PITPNA: variants seen among roughly 807,000 people sequenced by gnomAD.
The protein encoded by PITPNA is phosphatidylinositol transfer protein alpha isoform.
PITPNA carries 13 observed loss-of-function variants against 50.3 expected under a neutral mutation model. The observed-to-expected ratio is 0.26, with a 90% CI of 0.17 to 0.41. The LOEUF is 0.41. Among genes scored for constraint, PITPNA ranks in the 10% least tolerant of loss-of-function variants. PITPNA has a pLI of 1.00. For synonymous variants in PITPNA, 120 were observed against 119.6 expected (o/e 1.00, Z -0.02); for missense variants, 207 against 333.4 (o/e 0.62, Z 2.95).
chr17:1,537,767 A>G (rs933465504), intron 7 of PITPNA, among the ~76,000 whole-genome samples: 7 of 152,212 alleles, frequency 4.6e-5, no homozygotes, highest in African/African-American at 1.4e-4. Context: ...GATGGTTTTT[A>G]TATCTTTTCG....
chr17:1,537,527 T>TA (rs992482013), intron 7 of PITPNA, among the ~76,000 whole-genome samples: 68 of 152,120 alleles, frequency 4.5e-4, no homozygotes, highest in Non-Finnish European at 2.9e-4. Context: ...ATGTGTGCTT[T>TA]AAAAAATAAA....
intron 1 of PITPNA, among the ~76,000 whole-genome samples, chr17:1,560,655 A>G (rs1036769896): frequency 6.6e-6 from 1 of 152,190 alleles, no homozygotes; most frequent in Admixed American, 6.5e-5. Flanking sequence ...TCTAGGGTTC[A>G]TTTGGGAACA....
Position 1,562,422 on chromosome 17 carries a change from C to G in PITPNA, c.20+119G>C, listed in dbSNP as rs1162719252. On this transcript the variant is annotated intron_variant, in intron 1 of 11. Transcript: ENST00000313486. This position sits in a 1 kb window ranked among gnomAD's most constrained non-coding sequence, Gnocchi z 6.4. ...ATCCCCGCTGGGCCCGCCTCAGGCA[C>G]CCTCCGTCCCTGCTGCCCCTCCGTC... The G allele has an allele frequency of 2.4e-6, 2 of 817,102 alleles. No individual in the cohort carries two copies. Among genetic ancestry groups the G allele is most frequent in the East Asian group, 7.3e-5 (2 of 27,342 alleles). 50.6% of individuals were successfully genotyped at this position (817,102 alleles called of 1,614,324 possible).
intron 10 of PITPNA, among the ~76,000 whole-genome samples, chr17:1,525,973 A>C (rs2075545400): frequency 6.6e-6 from 1 of 152,216 alleles, no homozygotes; most frequent in Non-Finnish European, 1.5e-5. Context: ...GCAATACCCT[A>C]GTGGAAATAG....
At chr17:1,535,378 T>C in intron 8 of PITPNA, 63 bp downstream of exon 8, 1 of 1,505,354 alleles carries the variant, frequency 6.6e-7, no homozygotes, top group Non-Finnish European at 9.2e-7. Flanking sequence ...ATGCCCCTCC[T>C]CCACAGGGAG....
rs1598399843 is a variant in PITPNA, at chr17:1,518,241, A to G, written c.*2320T>C. On this transcript the variant is annotated 3_prime_UTR_variant, in exon 12 of 12. Coordinates refer to ENST00000313486, the MANE Select transcript of PITPNA (RefSeq NM_006224.4). ...CCTGTCCCGGACCTCTCTGCATGAG[A>G]AGGCCAGAGCCCAGCACCCCTCCTA... 6.6e-6 allele frequency: 1 copy of G among 152,558 alleles called. No homozygotes were observed. Among genetic ancestry groups the G allele is most frequent in the East Asian group, 1.9e-4 (1 of 5,186 alleles). The allele number at this position is 152,558 out of a possible 1,614,324, so 9.5% of individuals were successfully genotyped here.
At chr17:1,532,236 C>T (rs896416574) in intron 10 of PITPNA, among the ~76,000 whole-genome samples, 4 of 152,144 alleles carry the variant, frequency 2.6e-5, no homozygotes, top group South Asian at 4.2e-4. Flanking sequence ...TACAGGTGTC[C>T]GCCACCACGC....
chr17:1,518,676 G>A lies in PITPNA; in HGVS notation c.*1885C>T, dbSNP rs1019437740. ...GGAGACTAACAGCTGCTGACCCTCA[G>A]ACCACATAGACAACTGTCTGCCTAG... On this transcript the variant is annotated 3_prime_UTR_variant, in exon 12 of 12. Coordinates refer to ENST00000313486, the MANE Select transcript of PITPNA (RefSeq NM_006224.4). The A allele has an allele frequency of 1.3e-5, 2 of 152,258 alleles. No homozygotes were observed. The highest frequency in any genetic ancestry group is 4.8e-5 in the African/African-American group (2 of 41,444). 9.4% of individuals were successfully genotyped at this position (152,258 alleles called of 1,614,324 possible).
chr17:1,521,962 C>G (rs1459223778), intron 10 of PITPNA, among the ~76,000 whole-genome samples: 1 of 150,952 alleles, frequency 6.6e-6, no homozygotes. Context: ...TGGCCTCACA[C>G]GATCCTCTGC....
chr17:1,552,883 C>G, intron 3 of PITPNA, 121 bp downstream of exon 3: 1 of 959,584 alleles, frequency 1.0e-6, no homozygotes, highest in African/African-American at 1.6e-5. Context: ...CAGTATATAA[C>G]TATTAATTGT....
At chr17:1,551,811 C>T (rs954211464) in intron 3 of PITPNA, among the ~76,000 whole-genome samples, 5 of 152,344 alleles carry the variant, frequency 3.3e-5, no homozygotes, top group African/African-American at 1.2e-4. Context: ...GAGGTTCCTC[C>T]CCGCTGGACA....
At chr17:1,552,582 A>G (rs1197657612) in intron 3 of PITPNA, among the ~76,000 whole-genome samples, 1 of 152,216 alleles carries the variant, frequency 6.6e-6, no homozygotes. Context: ...CTAGGAATTC[A>G]ATTTTAGGAA....
chr17:1,548,385 T>C lies in PITPNA; in HGVS notation c.200A>G (p.Lys67Arg). Residue 67 changes from lysine to arginine, a missense_variant and splice_region_variant, in exon 4 of 12, where the codon AAA becomes AGA. By Grantham distance (26) the Lys-to-Arg change is conservative. Coordinates refer to ENST00000313486, the MANE Select transcript of PITPNA (RefSeq NM_006224.4). ...CAGCATTCGAACAAACGTGGGTACT[T>C]TGCTATAGCGGGGAAAAAAAGGGGT... ...YTHKIYHLQS[K>R]VPTFVRMLAP... 1 of 1,598,116 alleles carries C rather than the reference T, an allele frequency of 6.3e-7. No homozygotes were observed. Among genetic ancestry groups the C allele is most frequent in the Non-Finnish European group, 8.5e-7 (1 of 1,173,340 alleles).
intron 10 of PITPNA, among the ~76,000 whole-genome samples, chr17:1,523,455 C>T (rs2075526947): frequency 6.6e-6 from 1 of 151,842 alleles, no homozygotes; most frequent in Non-Finnish European, 1.5e-5. Flanking sequence ...GATCCTCCTG[C>T]CTCAGCATCC....
intron 2 of PITPNA, among the ~76,000 whole-genome samples, chr17:1,554,323 A>C (rs991175857): frequency 2.6e-5 from 4 of 151,812 alleles, no homozygotes; most frequent in Non-Finnish European, 5.9e-5. Flanking sequence ...GGAGGGGGAC[A>C]AAGGGTTTCC....
At chr17:1,545,762 G>A (rs1036473511) in intron 4 of PITPNA, among the ~76,000 whole-genome samples, 11 of 152,178 alleles carry the variant, frequency 7.2e-5, no homozygotes, top group Admixed American at 5.2e-4. Flanking sequence ...GAGAACAGGG[G>A]CATCTCTCAG....
Position 1,552,993 on chromosome 17 carries a change from A to T in PITPNA, c.197+11T>A. The T allele has an allele frequency of 6.2e-7, 1 of 1,613,518 alleles. No individual in the cohort carries two copies. Among genetic ancestry groups the T allele is most frequent in the East Asian group, 2.2e-5 (1 of 44,876 alleles). On this transcript the variant is annotated intron_variant, in intron 3 of 11. Transcript: ENST00000313486. ...AAGCCAGCATCCGGCCCCGCTGCTC[A>T]TGCCGCATACCTCTGCAGGTGGTAG...
chr17:1,553,332 G>A (rs908962608), intron 2 of PITPNA, among the ~76,000 whole-genome samples, 183 bp from the exon 3 acceptor site: 1 of 152,068 alleles, frequency 6.6e-6, no homozygotes, highest in Non-Finnish European at 1.5e-5. Flanking sequence ...CTGCTCCATG[G>A]CCCCTCTTGA....
At chr17:1,541,764 T>C (rs2075649088) in intron 5 of PITPNA, 124 bp from the exon 6 acceptor site, 2 of 730,126 alleles carry the variant, frequency 2.7e-6, no homozygotes, top group Non-Finnish European at 2.5e-6. Context: ...CTCTGCCTTG[T>C]AATAACAGTT....
Sources: allele counts gnomAD v4.1 joint callset (sites outside exome capture counted in the v4.1 genomes callset), GRCh38; gene constraint gnomAD v4.1.1; non-coding constraint Gnocchi (gnomAD v3.1); transcripts MANE v1.5; gene names NCBI Gene and HGNC (gene_info 2026-07-23, HGNC 2026-07-21).